Variants in IQSEC1 observed in about 807,000 individuals in gnomAD.
IQSEC1 encodes the protein IQ motif and Sec7 domain ArfGEF 1.
In IQSEC1, 31 loss-of-function variants were observed where a neutral mutation model predicts 91.0. The observed-to-expected ratio is 0.34, with a 90% CI of 0.26 to 0.46. The LOEUF (loss-of-function observed/expected upper bound fraction) is 0.46, where lower values mean the gene tolerates loss of function less well. Ranked by LOEUF, IQSEC1 falls within the 20% of genes least tolerant of loss-of-function variation. The pLI is 1.00. For synonymous variants in IQSEC1, 699 were observed against 662.6 expected, an observed-to-expected ratio of 1.05 and a Z score of -0.84; for missense variants, 1,388 against 1,575.6, an observed-to-expected ratio of 0.88 and a Z score of 2.02.
rs13434381 is a variant in IQSEC1, at chr3:13,252,718, G to T, written c.272+29993C>A. 5.2e-3 allele frequency among the ~76,000 whole-genome samples: 609 copies of T among 117,392 alleles called. 6 individuals carry two copies. The highest frequency in any genetic ancestry group is 0.029 in the African/African-American group (576 of 19,566). The allele number at this position is 117,392 out of a possible 152,430, so 77.0% of individuals were successfully genotyped here. ...CACCAACAGACTTCTTATTATCTAT[G>T]TTTTTTTTTGTTTTTGTTTGTTTGT... is the stretch of plus-strand genomic sequence containing the variant. On this transcript the variant is annotated intron_variant, in intron 1 of 15. Coordinates refer to the IQSEC1 transcript ENST00000648114.
intron 1 of IQSEC1, among the ~76,000 whole-genome samples, chr3:13,061,428 A>G (rs1705064955): frequency 6.6e-6 from 1 of 152,238 alleles, no homozygotes; most frequent in South Asian, 2.1e-4. Flanking sequence ...AATGGTAAGA[A>G]TAAGTGTTCG....
chr3:13,249,174 T>C (rs921833288), intron 1 of IQSEC1, among the ~76,000 whole-genome samples: 2 of 146,864 alleles, frequency 1.4e-5, no homozygotes, highest in South Asian at 2.3e-4. Flanking sequence ...TTTCTTTTTT[T>C]TTTTTTTTTT....
At chr3:13,195,250 T>A (rs1694105132) in intron 1 of IQSEC1, among the ~76,000 whole-genome samples, 15 of 152,208 alleles carry the variant, frequency 9.9e-5, no homozygotes, top group Admixed American at 9.8e-4. Flanking sequence ...TCAATGATGT[T>A]AGCCTTGTAA....
intron 8 of IQSEC1, 78 bp downstream of exon 8, chr3:12,915,026 G>T (rs936502998): frequency 1.4e-6 from 2 of 1,439,412 alleles, no homozygotes; most frequent in African/African-American, 1.4e-5. Context: ...GGAGCCTGGG[G>T]AGCCGGCGGA....
rs183173748 is a variant in IQSEC1, at chr3:12,902,334, G to A, written c.2805+439C>T. Reference sequence around the variant, plus strand: ...CAAGAAGAAAGCGATGAGGATGGGCGGGCGTGGAAGTCAAGGGTTCAGCAA... The same window carrying A: ...CAAGAAGAAAGCGATGAGGATGGGCAGGCGTGGAAGTCAAGGGTTCAGCAA... On this transcript the variant is annotated intron_variant, in intron 13 of 13. Transcript: ENST00000613206. Among the ~76,000 whole-genome samples the A allele has an allele frequency of 9.9e-5, 15 of 152,200 alleles. No homozygotes were observed. The East Asian group carries it at 2.5e-3, about 26-fold the overall frequency.
chr3:13,260,995 G>C (rs1291970408), intron 1 of IQSEC1, among the ~76,000 whole-genome samples: 1 of 152,214 alleles, frequency 6.6e-6, no homozygotes, highest in Non-Finnish European at 1.5e-5. Context: ...GGATGGCCAA[G>C]GTCTTCCCTG....
At chr3:13,166,177 A>G (rs770911397) in intron 1 of IQSEC1, among the ~76,000 whole-genome samples, 23 of 152,188 alleles carry the variant, frequency 1.5e-4, no homozygotes, top group Non-Finnish European at 2.5e-4. Context: ...TTCAGCTCCT[A>G]CGTTTTTGGG....
intron 6 of IQSEC1, among the ~76,000 whole-genome samples, chr3:12,919,738 T>G (rs945235877): frequency 6.6e-6 from 1 of 152,224 alleles, no homozygotes; most frequent in Non-Finnish European, 1.5e-5. Context: ...GACTGAGGGA[T>G]GCGGTGCCTT....
At chr3:13,263,438 G>A (rs58413087) in intron 1 of IQSEC1, among the ~76,000 whole-genome samples, 13,578 of 74,066 alleles carry the variant, frequency 0.18, 1,730 homozygotes, top group African/African-American at 0.49. Flanking sequence ...GGGGGGGGGG[G>A]GAAAGTACCT....
rs995575261 is a variant in IQSEC1 at position 13,022,505 on chromosome 3, G to A, written c.23+50487C>T. ...GCGGGATGGGTGAGGGGCGTCCGCC[G>A]GTGAGGAAAAGCTCAGCTGCCGGAG... On this transcript the variant is annotated intron_variant, in intron 1 of 13. Coordinates refer to ENST00000613206, the MANE Select transcript of IQSEC1 (RefSeq NM_001134382.3). 11 of 981,698 alleles carry A rather than the reference G, an allele frequency of 1.1e-5. No homozygotes were observed. In the East Asian group the frequency reaches 3.3e-4, roughly 29 times the overall value. The allele number at this position is 981,698 out of a possible 1,614,324, so 60.8% of individuals were successfully genotyped here. A position where few individuals can be genotyped will look rare whatever the true frequency, so the allele number is the denominator to read the frequency against.
At chr3:12,916,000 TAA>T (rs1490119911) in intron 6 of IQSEC1, among the ~76,000 whole-genome samples, 2 of 152,212 alleles carry the variant, frequency 1.3e-5, no homozygotes, top group Non-Finnish European at 2.9e-5. Flanking sequence ...GAGGGCTTTA[TAA>T]ATGCTACCCT....
chr3:13,088,224 C>T (rs1019660353), intron 2 of IQSEC1, among the ~76,000 whole-genome samples: 2 of 152,210 alleles, frequency 1.3e-5, no homozygotes, highest in South Asian at 2.1e-4. Context: ...AGCGTGCTAA[C>T]GCAGTGGGTG....
chr3:13,184,989 C>T (rs1471983610), intron 1 of IQSEC1, among the ~76,000 whole-genome samples: 1 of 152,184 alleles, frequency 6.6e-6, no homozygotes, highest in African/African-American at 2.4e-5. Context: ...CCTACCTCCA[C>T]ACAGACAAAC....
chr3:13,269,680 G>A (rs1695559966), intron 1 of IQSEC1, among the ~76,000 whole-genome samples: 1 of 152,228 alleles, frequency 6.6e-6, no homozygotes, highest in Admixed American at 6.5e-5. Context: ...CAGGACAGCA[G>A]CCACATTCCA....
At chr3:13,097,588 C>T (rs1447874854) in intron 2 of IQSEC1, among the ~76,000 whole-genome samples, 2 of 152,340 alleles carry the variant, frequency 1.3e-5, no homozygotes, top group African/African-American at 4.8e-5. Context: ...CCCCCACCTC[C>T]CAACTCCCGC....
intron 1 of IQSEC1, among the ~76,000 whole-genome samples, chr3:13,014,015 G>C (rs1307067996): frequency 6.6e-6 from 1 of 152,190 alleles, no homozygotes; most frequent in Non-Finnish European, 1.5e-5. Context: ...TTGAACACAG[G>C]TGTGGGCAGC....
At chr3:13,157,702 CA>C (rs949524948) in intron 2 of IQSEC1, among the ~76,000 whole-genome samples, 1 of 152,214 alleles carries the variant, frequency 6.6e-6, no homozygotes, top group Non-Finnish European at 1.5e-5. Flanking sequence ...CAGCTGCTAC[CA>C]CCTCCTGCTC....
intron 1 of IQSEC1, among the ~76,000 whole-genome samples, chr3:13,002,945 T>TA (rs1702483501): frequency 6.6e-6 from 1 of 152,246 alleles, no homozygotes. Flanking sequence ...AACAGAGAGT[T>TA]ACTATGTGAC....
chr3:12,983,777 G>C lies in IQSEC1; in HGVS notation c.24-41912C>G, dbSNP rs1309048832. Among the ~76,000 whole-genome samples, 1 of 152,170 alleles carries C rather than the reference G, an allele frequency of 6.6e-6. No individual in the cohort carries two copies. Among genetic ancestry groups the C allele is most frequent in the Non-Finnish European group, 1.5e-5 (1 of 68,034 alleles). On this transcript the variant is annotated intron_variant, in intron 1 of 13. Coordinates refer to ENST00000613206, the MANE Select transcript of IQSEC1 (RefSeq NM_001134382.3). This position sits in a 1 kb window ranked among gnomAD's most constrained non-coding sequence, Gnocchi z 4.3. ...GCTCCGTGAGGATAAGAATAAGGTT[G>C]TCCGACATACCCCACTTATGCCCAG...
Sources: allele counts gnomAD v4.1 joint callset (sites outside exome capture counted in the v4.1 genomes callset), GRCh38; gene constraint gnomAD v4.1.1; non-coding constraint Gnocchi (gnomAD v3.1); transcripts MANE v1.5; gene names NCBI Gene and HGNC (gene_info 2026-07-23, HGNC 2026-07-21).